RBM15: variants seen among roughly 807,000 people sequenced by gnomAD.
The protein encoded by RBM15 is RNA-binding protein 15.
In RBM15, 8 loss-of-function variants were observed where a neutral mutation model predicts 62.6. The observed-to-expected ratio is 0.13, with a 90% CI of 0.07 to 0.23. The LOEUF (loss-of-function observed/expected upper bound fraction) is 0.23. Among genes scored for constraint, RBM15 ranks in the 10% least tolerant of loss-of-function variants. The pLI is 1.00. For synonymous variants in RBM15, 606 were observed against 505.7 expected, an observed-to-expected ratio of 1.20 and a Z score of -2.66; for missense variants, 1,144 against 1,286.5, an observed-to-expected ratio of 0.89 and a Z score of 1.69.
chr1:110,344,411 T>G (rs559750909), intron 1 of RBM15, among the ~76,000 whole-genome samples: 1 of 152,154 alleles, frequency 6.6e-6, no homozygotes, highest in South Asian at 2.1e-4. Context: ...TTTTTGTTTG[T>G]TTTTTGTTTT....
chr1:110,339,671 A>T lies in RBM15; in HGVS notation c.266A>T (p.Asp89Val), dbSNP rs531969714. ...AATGGGAGCAGCAGCGGAAAGACCG[A>T]TAGCGGCGGTGGGTCGCGGCGGAGT... ...GSNGSSSGKT[D>V]SGGGSRRSLH... The change falls in exon 1 of 3, where the codon GAT (aspartate) becomes GTT (valine). Residue 89 changes from aspartate to valine, a missense_variant. This residue lies in a region of RBM15 where 298 missense variants were observed against 250.0 expected (regional missense o/e 1.19). Coordinates refer to ENST00000369784, the MANE Select transcript of RBM15 (RefSeq NM_022768.5). 3 of 1,613,118 alleles carry T rather than the reference A, an allele frequency of 1.9e-6. No homozygotes were observed. The East Asian group carries it at 6.7e-5, about 36-fold the overall frequency.
chr1:110,341,422 C>A lies in RBM15; in HGVS notation c.2017C>A (p.Arg673Ser). The part of the protein sequence containing the change: ...RKRHCAPSPD[R>S]SPELSSSRDR... ...ACGTCACTGCGCTCCTTCTCCTGAC[C>A]GCAGTCCAGAATTGAGCAGTAGCCG... The change falls in exon 1 of 3, where the codon CGC becomes AGC. Residue 673 changes from arginine (R) to serine (S), a missense_variant. Arg to Ser is a moderately radical substitution (Grantham distance 110). Coordinates refer to ENST00000369784, the MANE Select transcript of RBM15 (RefSeq NM_022768.5). The surrounding 1 kb of genome is among the most constrained non-coding windows in gnomAD (Gnocchi z 4.5). 6.2e-7 allele frequency: 1 copy of A among 1,614,122 alleles called. No homozygotes were observed.
At chr1:110,344,568 A>C (rs1402254307) in intron 1 of RBM15, among the ~76,000 whole-genome samples, 10 of 152,152 alleles carry the variant, frequency 6.6e-5, no homozygotes, top group Non-Finnish European at 1.5e-4. Context: ...TTCTAAATGT[A>C]TGTATTATAA....
chr1:110,341,999 G>C lies in RBM15; in HGVS notation c.2594G>C (p.Gly865Ala). Residue 865 changes from glycine to alanine, a missense_variant, in exon 1 of 3, where the codon GGA (glycine) becomes GCA (alanine). Physicochemically the swap from Gly to Ala is moderately conservative, Grantham distance 60. Around this residue, in one of 8 missense-constraint regions of RBM15, gnomAD observed 144 missense variants for 223.3 expected, o/e 0.64. Coordinates refer to ENST00000369784, the MANE Select transcript of RBM15 (RefSeq NM_022768.5). The surrounding 1 kb of genome is among the most constrained non-coding windows in gnomAD (Gnocchi z 4.5). ...TATGCCATTCTTTTGGCTGTGCCTG[G>C]AAGTTCTGACAGCCGGTCCTCCTCT... ...NGYAILLAVP[G>A]SSDSRSSSSS... is the part of the protein sequence containing the mutation. The C allele has an allele frequency of 6.2e-7, 1 of 1,614,220 alleles. No individual in the cohort carries two copies.
Position 110,346,495 on chromosome 1 carries a change from C to A in RBM15, c.*228C>A. ...GTATCTGCTATTGTGATGCCAATGC[C>A]GGTGTTTTAAGTGGAAAAAAAATGA... is the stretch of plus-strand genomic sequence containing the variant. On this transcript the variant is annotated 3_prime_UTR_variant, in exon 3 of 3. Transcript: ENST00000369784. The A allele has an allele frequency of 1.3e-6, 1 of 779,144 alleles. No homozygotes were observed. Among genetic ancestry groups the A allele is most frequent in the Non-Finnish European group, 2.1e-6 (1 of 469,302 alleles). The allele number at this position is 779,144 out of a possible 1,614,324, so 48.3% of individuals were successfully genotyped here.
chr1:110,342,305 ACTT>A (rs1557892117), intron 1 of RBM15, 37 bp downstream of exon 1: 6 of 1,491,000 alleles, frequency 4.0e-6, no homozygotes, highest in Non-Finnish European at 5.4e-6. Context: ...TGTATTTACT[ACTT>A]TGACATGGTT....
Position 110,346,513 on chromosome 1 carries a change from A to C in RBM15, c.*246A>C. 1 of 708,858 alleles carries C rather than the reference A, an allele frequency of 1.4e-6. No homozygotes were observed. Among genetic ancestry groups the C allele is most frequent in the East Asian group, 2.5e-5 (1 of 40,400 alleles). The allele number at this position is 708,858 out of a possible 1,614,324, so 43.9% of individuals were successfully genotyped here. On this transcript the variant is annotated 3_prime_UTR_variant, in exon 3 of 3. Transcript: ENST00000369784. The stretch of plus-strand genomic sequence containing the variant: ...CCAATGCCGGTGTTTTAAGTGGAAA[A>C]AAAATGACCTCTTTGATTTGTGCTG...
intron 1 of RBM15, among the ~76,000 whole-genome samples, chr1:110,344,594 T>C (rs914639577): frequency 6.6e-6 from 1 of 152,190 alleles, no homozygotes; most frequent in Non-Finnish European, 1.5e-5. Flanking sequence ...TAATTATGTT[T>C]AGTTGGTCAT....
In RBM15 at chr1:110,340,665, A is replaced by G; in HGVS notation, c.1260A>G (p.Lys420=). ...AGACTAGTACTTACGGCTTTCTCAA[A>G]TTTGAGAACTTAGATATGTCTCACC... is the stretch of plus-strand genomic sequence containing the variant. ...RGQTSTYGFL[K]FENLDMSHRA... is the part of the protein sequence containing the mutation. Residue 420 remains lysine (K), a synonymous_variant, in exon 1 of 3, where the codon AAA becomes AAG. Coordinates refer to ENST00000369784, the MANE Select transcript of RBM15 (RefSeq NM_022768.5). The surrounding 1 kb of genome is among the most constrained non-coding windows in gnomAD (Gnocchi z 5.8). 2 of 1,614,212 alleles carry G rather than the reference A, an allele frequency of 1.2e-6. No homozygotes were observed. The highest frequency in any genetic ancestry group is 1.7e-6 in the Non-Finnish European group (2 of 1,180,016).
rs771092218 is a variant in RBM15 at position 110,339,468 on chromosome 1, G to C, written c.63G>C (p.Pro21=). 46 of 1,561,052 alleles carry C rather than the reference G, an allele frequency of 2.9e-5. 1 individual carries two copies. The Middle Eastern group carries it at 2.2e-3, about 76-fold the overall frequency. Residue 21 remains proline (P), a synonymous_variant, in exon 1 of 3, where the codon CCG becomes CCC. Coordinates refer to ENST00000369784, the MANE Select transcript of RBM15 (RefSeq NM_022768.5). ...RRSPRWRRAV[P]LCETSAGRRV... ...GTCCAAGATGGCGGCGTGCGGTTCC[G>C]CTGTGTGAAACGAGCGCGGGGCGGC...
chr1:110,341,335 C>T lies in RBM15; in HGVS notation c.1930C>T (p.Leu644=), dbSNP rs1660792020. ...CAGAGACCAGCCTAGGAAGCGAAGG[C>T]TGCCTGAGGAGAGTGGAGGACGTCA... is the stretch of plus-strand genomic sequence containing the variant. ...SSRDQPRKRR[L]PEESGGRHLD... The change falls in exon 1 of 3, where the codon CTG becomes TTG. Residue 644 remains leucine, a synonymous_variant. Coordinates refer to ENST00000369784, the MANE Select transcript of RBM15 (RefSeq NM_022768.5). This position sits in a 1 kb window ranked among gnomAD's most constrained non-coding sequence, Gnocchi z 4.5. 1 of 1,614,138 alleles carries T rather than the reference C, an allele frequency of 6.2e-7. No individual in the cohort carries two copies. The highest frequency in any genetic ancestry group is 8.5e-7 in the Non-Finnish European group (1 of 1,180,014).
rs1389002795 is a variant in RBM15, at chr1:110,346,458, G to A, written c.*191G>A. 41 of 1,120,234 alleles carry A rather than the reference G, an allele frequency of 3.7e-5. No homozygotes were observed. In the East Asian group the frequency reaches 9.2e-4, roughly 25 times the overall value. 69.4% of individuals were successfully genotyped at this position (1,120,234 alleles called of 1,614,324 possible). ...ATTTGTGCATTTTACTAAAATGGCA[G>A]CTTAAAGTTGTGTATCTGCTATTGT... On this transcript the variant is annotated 3_prime_UTR_variant, in exon 3 of 3. Transcript: ENST00000369784.
intron 1 of RBM15, among the ~76,000 whole-genome samples, chr1:110,343,623 C>T (rs953620191): frequency 2.6e-5 from 4 of 151,610 alleles, no homozygotes; most frequent in Admixed American, 2.0e-4. Flanking sequence ...CCCCTCTGTC[C>T]CACCCCTAAT....
In RBM15 at chr1:110,341,278, C is replaced by T. The variant is rs766208905; in HGVS notation, c.1873C>T (p.Arg625Trp). 1.2e-6 allele frequency: 2 copies of T among 1,614,066 alleles called. No individual in the cohort carries two copies. The highest frequency in any genetic ancestry group is 1.7e-6 in the Non-Finnish European group (2 of 1,180,016). The change falls in exon 1 of 3, where the codon CGG (arginine) becomes TGG (tryptophan). Residue 625 changes from arginine to tryptophan, a missense_variant. This residue lies in a region of RBM15 where 360 missense variants were observed against 342.9 expected (regional missense o/e 1.05). Transcript: ENST00000369784. This position sits in a 1 kb window ranked among gnomAD's most constrained non-coding sequence, Gnocchi z 4.5. ...CAGGCGGGATGGTTGGTCCTTGGAC[C>T]GGGACAGAGGTGATCGAGATCTGCC... The part of the protein sequence containing the change: ...DRRRDGWSLD[R>W]DRGDRDLPSS...
Position 110,342,042 on chromosome 1 carries a change from C to G in RBM15, c.2637C>G (p.Asp879Glu). The G allele has an allele frequency of 6.2e-7, 1 of 1,614,260 alleles. No individual in the cohort carries two copies. The change falls in exon 1 of 3, where the codon GAC (aspartate) becomes GAG (glutamate). Residue 879 changes from aspartate to glutamate, a missense_variant. By Grantham distance (45) the Asp-to-Glu change is conservative. This residue lies in a region of RBM15 where 144 missense variants were observed against 223.3 expected (regional missense o/e 0.64). Transcript: ENST00000369784. The part of the protein sequence containing the change: ...SRSSSSSAAS[D>E]TATSTQRPLR... ...CCTCCTCTTCCTCAGCTGCATCAGA[C>G]ACTGCCACTTCTACTCAGAGGCCAC...
In RBM15 at chr1:110,339,462, G is replaced by A. The variant is rs764404982; in HGVS notation, c.57G>A (p.Ala19=). 4 of 1,548,860 alleles carry A rather than the reference G, an allele frequency of 2.6e-6. No individual in the cohort carries two copies. The highest frequency in any genetic ancestry group is 3.5e-6 in the Non-Finnish European group (4 of 1,144,998). The change falls in exon 1 of 3, where the codon GCG becomes GCA. Residue 19 remains alanine, a synonymous_variant. Transcript: ENST00000369784. The stretch of plus-strand genomic sequence containing the variant: ...GGCGGAGTCCAAGATGGCGGCGTGC[G>A]GTTCCGCTGTGTGAAACGAGCGCGG... ...VPRRSPRWRR[A]VPLCETSAGR...
rs1660761872 is a variant in RBM15 at position 110,340,099 on chromosome 1, A to G, written c.694A>G (p.Lys232Glu). Residue 232 changes from lysine to glutamate, a missense_variant, in exon 1 of 3, where the codon AAG becomes GAG. By Grantham distance (56) the Lys-to-Glu change is moderately conservative (BLOSUM62 1). Around this residue, in one of 8 missense-constraint regions of RBM15, gnomAD observed 188 missense variants for 185.6 expected, o/e 1.01. Transcript: ENST00000369784. This position sits in a 1 kb window ranked among gnomAD's most constrained non-coding sequence, Gnocchi z 5.8. The part of the protein sequence containing the change: ...FRRPEDARAA[K>E]HARGRLVLYD... Reference sequence around the variant, plus strand: ...GCGGCCAGAGGACGCGCGGGCGGCCAAGCATGCCAGAGGCCGCCTGGTGCT... The same window carrying G: ...GCGGCCAGAGGACGCGCGGGCGGCCGAGCATGCCAGAGGCCGCCTGGTGCT... 6.2e-7 allele frequency: 1 copy of G among 1,613,886 alleles called. No homozygotes were observed. The highest frequency in any genetic ancestry group is 8.5e-7 in the Non-Finnish European group (1 of 1,179,988).
Position 110,339,858 on chromosome 1 carries a change from A to C in RBM15, c.453A>C (p.Ser151=), listed in dbSNP as rs1353759631. 1 of 1,600,084 alleles carries C rather than the reference A, an allele frequency of 6.2e-7. No individual in the cohort carries two copies. Among genetic ancestry groups the C allele is most frequent in the Non-Finnish European group, 8.5e-7 (1 of 1,169,734 alleles). Reference sequence around the variant, plus strand: ...GCTCCCGGGGTGGAGGCGGGGAGTCACGTTCCTCTGGGGCCGCCTCCTCAG... The same window carrying C: ...GCTCCCGGGGTGGAGGCGGGGAGTCCCGTTCCTCTGGGGCCGCCTCCTCAG... ...RSSSRGGGGE[S]RSSGAASSAP... The change falls in exon 1 of 3, where the codon TCA becomes TCC. Residue 151 remains serine, a synonymous_variant. Coordinates refer to ENST00000369784, the MANE Select transcript of RBM15 (RefSeq NM_022768.5).
At chr1:110,342,887 AG>A (rs1245045931) in intron 1 of RBM15, among the ~76,000 whole-genome samples, 1 of 152,218 alleles carries the variant, frequency 6.6e-6, no homozygotes, top group African/African-American at 2.4e-5. Flanking sequence ...CATTTGTTCT[AG>A]AGTTCTGTAT....
Sources: gnomAD v4.1 joint callset for allele counts (sites outside exome capture counted in the v4.1 genomes callset) on GRCh38, gnomAD v4.1.1 for gene constraint, gnomAD v4.1.1 regional missense constraint, Gnocchi (gnomAD v3.1) non-coding constraint, MANE v1.5 for transcripts, NCBI Gene and HGNC (gene_info 2026-07-23, HGNC 2026-07-21) for gene names.